Variants in LRBA observed in about 807,000 individuals in gnomAD.
LRBA encodes lipopolysaccharide-responsive and beige-like anchor protein.
LRBA carries 176 observed loss-of-function variants against 330.0 expected under a neutral mutation model. That is an observed-to-expected ratio of 0.53 (90% CI 0.47 to 0.60). LRBA has a LOEUF of 0.60. LRBA is among the 20% of genes least tolerant of loss of function. LRBA has a pLI of 0.00. For missense variants in LRBA, 3,259 were observed against 3,444.8 expected (o/e 0.95, Z 1.35); for synonymous variants, 1,230 against 1,193.0 (o/e 1.03, Z -0.64).
chr4:150,476,877 C>T (rs1239294421), intron 42 of LRBA, among the ~76,000 whole-genome samples: 1 of 152,112 alleles, frequency 6.6e-6, no homozygotes, highest in African/African-American at 2.4e-5. Context: ...GATCAAGAAC[C>T]ACCACAGGTA....
chr4:150,286,484 AC>A (rs1748142384), intron 53 of LRBA, among the ~76,000 whole-genome samples: 1 of 151,974 alleles, frequency 6.6e-6, no homozygotes, highest in Non-Finnish European at 1.5e-5. Flanking sequence ...GACTTCTGCT[AC>A]CCCCACAGTA....
chr4:150,762,938 T>A (rs1735293593), intron 34 of LRBA, among the ~76,000 whole-genome samples: 1 of 151,964 alleles, frequency 6.6e-6, no homozygotes, highest in Non-Finnish European at 1.5e-5. Context: ...CTTTTCTTTT[T>A]CATTCTCATC....
intron 42 of LRBA, among the ~76,000 whole-genome samples, chr4:150,474,647 C>T (rs1041335927): frequency 2.6e-5 from 4 of 152,106 alleles, no homozygotes; most frequent in Non-Finnish European, 5.9e-5. Flanking sequence ...TTATTAAGGT[C>T]TATTTTTAAT....
chr4:150,572,985 A>G (rs575680651), intron 40 of LRBA, among the ~76,000 whole-genome samples: 11 of 152,228 alleles, frequency 7.2e-5, no homozygotes, highest in African/African-American at 2.2e-4. Context: ...TGACTGCCTG[A>G]TGCTTTCAGG....
chr4:150,535,103 C>T lies in LRBA; in HGVS notation c.6331-44068G>A, dbSNP rs1339476832. On this transcript the variant is annotated intron_variant, in intron 40 of 56. Coordinates refer to ENST00000651943, the MANE Select transcript of LRBA (RefSeq NM_001364905.1). Reference sequence around the variant, plus strand: ...GTTTCAATATTTTACAATCCTGAGCCTTCTCCTCTTACCTTTATCTATTGT... The same window carrying T: ...GTTTCAATATTTTACAATCCTGAGCTTTCTCCTCTTACCTTTATCTATTGT... Among the ~76,000 whole-genome samples, 9 of 151,776 alleles carry T rather than the reference C, an allele frequency of 5.9e-5. No individual in the cohort carries two copies. In the East Asian group the frequency reaches 1.5e-3, roughly 26 times the overall value.
chr4:150,352,523 T>A (rs1737317154), intron 47 of LRBA, among the ~76,000 whole-genome samples: 1 of 152,184 alleles, frequency 6.6e-6, no homozygotes, highest in Non-Finnish European at 1.5e-5. Context: ...AAAGTTATTG[T>A]TTTAGACATC....
At chr4:150,750,986 C>A (rs900576643) in intron 35 of LRBA, among the ~76,000 whole-genome samples, 52 of 150,780 alleles carry the variant, frequency 3.4e-4, no homozygotes, top group African/African-American at 1.2e-3. Context: ...CTAAGAGGTA[C>A]TGTTCAGGTA....
At chr4:150,590,981 T>C in intron 38 of LRBA, 122 bp from the exon 39 acceptor site, 1 of 780,366 alleles carries the variant, frequency 1.3e-6, no homozygotes. Context: ...CAGTGTCAGC[T>C]ACAGTGGAGA....
intron 44 of LRBA, among the ~76,000 whole-genome samples, chr4:150,458,046 C>T (rs1358217604): frequency 6.6e-6 from 1 of 151,840 alleles, no homozygotes; most frequent in African/African-American, 2.4e-5. Flanking sequence ...TTCAGTTTAT[C>T]ATTTTCTGAC....
At chr4:150,557,227 T>TA (rs1767441401) in intron 40 of LRBA, among the ~76,000 whole-genome samples, 3 of 152,144 alleles carry the variant, frequency 2.0e-5, no homozygotes, top group African/African-American at 7.2e-5. Flanking sequence ...ATTTGAGCAT[T>TA]AAAGTAATTA....
At chr4:150,316,024 G>A (rs1731677439) in intron 50 of LRBA, among the ~76,000 whole-genome samples, 1 of 152,136 alleles carries the variant, frequency 6.6e-6, no homozygotes, top group South Asian at 2.1e-4. Flanking sequence ...CAGCACAAAG[G>A]ATCTACAAAA....
chr4:150,814,034 T>G (rs1744183557), intron 31 of LRBA, among the ~76,000 whole-genome samples: 1 of 152,056 alleles, frequency 6.6e-6, no homozygotes, highest in Non-Finnish European at 1.5e-5. Flanking sequence ...AAGAAGGTAT[T>G]GGATATATCA....
chr4:150,487,982 G>A (rs1758093306), intron 41 of LRBA, 148 bp from the exon 42 acceptor site: 2 of 400,424 alleles, frequency 5.0e-6, no homozygotes, highest in African/African-American at 4.0e-5. Context: ...TATATATCAA[G>A]TTTTAGTATT....
intron 9 of LRBA, among the ~76,000 whole-genome samples, chr4:150,913,517 C>T (rs1333157404): frequency 4.6e-5 from 7 of 152,272 alleles, no homozygotes; most frequent in South Asian, 2.1e-4. Context: ...GTTGTTTCAT[C>T]GAGTGTTATG....
chr4:150,689,648 G>A (rs142798095), intron 36 of LRBA, among the ~76,000 whole-genome samples: 150 of 152,192 alleles, frequency 9.9e-4, no homozygotes, highest in African/African-American at 3.0e-3. Flanking sequence ...TACTGAGGCC[G>A]GGCAAGATGG....
At chr4:150,809,850 AAT>A (rs1743358976) in intron 31 of LRBA, among the ~76,000 whole-genome samples, 4 of 87,714 alleles carry the variant, frequency 4.6e-5, no homozygotes, top group African/African-American at 8.9e-5. Context: ...CCTGTCTTAA[AAT>A]ACGATACGAT....
intron 36 of LRBA, among the ~76,000 whole-genome samples, chr4:150,693,742 C>T (rs1380962244): frequency 2.0e-5 from 3 of 152,040 alleles, no homozygotes; most frequent in Non-Finnish European, 2.9e-5. Flanking sequence ...ACAAACTCTT[C>T]GTTTCAGTAT....
At chr4:150,707,185 TAGA>T (rs751913950) in intron 36 of LRBA, among the ~76,000 whole-genome samples, 55 of 151,630 alleles carry the variant, frequency 3.6e-4, no homozygotes, top group Admixed American at 6.6e-4. Context: ...TGGAAGAGAT[TAGA>T]AGGAGATTTT....
At chr4:150,423,852 G>T (rs1749175107) in intron 46 of LRBA, among the ~76,000 whole-genome samples, 1 of 152,134 alleles carries the variant, frequency 6.6e-6, no homozygotes, top group East Asian at 1.9e-4. Context: ...CACCGCCCGA[G>T]AATACAGATC....
Sources: gnomAD v4.1 joint callset for allele counts (sites outside exome capture counted in the v4.1 genomes callset) on GRCh38, gnomAD v4.1.1 for gene constraint, MANE v1.5 for transcripts, NCBI Gene and HGNC (gene_info 2026-07-23, HGNC 2026-07-21) for gene names.